Variants in PTPRG observed in about 807,000 individuals in gnomAD.
PTPRG encodes the protein receptor-type tyrosine-protein phosphatase gamma.
Under a neutral mutation model 165.3 loss-of-function variants are expected in PTPRG, and 102 were observed. That is an observed-to-expected ratio of 0.62 (90% CI 0.53 to 0.73). The LOEUF is 0.73. Ranked by LOEUF, PTPRG falls within the 30% of genes least tolerant of loss-of-function variation. The probability of loss-of-function intolerance (pLI) is 0.00; values close to 1 mark genes in which losing one functional copy is unlikely to be tolerated. For synonymous variants in PTPRG, 675 were observed against 669.5 expected, an observed-to-expected ratio of 1.01 and a Z score of -0.13; for missense variants, 1,866 against 1,861.4, an observed-to-expected ratio of 1.00 and a Z score of -0.05.
In PTPRG at chr3:62,219,812, G is replaced by A. The variant is rs1488366641; in HGVS notation, c.2288+829G>A. Among the ~76,000 whole-genome samples, 1 of 152,238 alleles carries A rather than the reference G, an allele frequency of 6.6e-6. No individual in the cohort carries two copies. The highest frequency in any genetic ancestry group is 1.5e-5 in the Non-Finnish European group (1 of 68,034). On this transcript the variant is annotated intron_variant, in intron 13 of 29. Coordinates refer to ENST00000474889, the MANE Select transcript of PTPRG (RefSeq NM_002841.4). The surrounding 1 kb of genome is among the most constrained non-coding windows in gnomAD (Gnocchi z 4.5). ...AGACACAAATGATTTCTGAAGAAGT[G>A]AGTAAAACAGATAAGAATCCTTACT...
intron 2 of PTPRG, among the ~76,000 whole-genome samples, chr3:61,930,671 G>A (rs2039336739): frequency 6.6e-6 from 1 of 152,148 alleles, no homozygotes; most frequent in South Asian, 2.1e-4. Context: ...GCGTCATTGT[G>A]GCATCCTCTA....
At chr3:62,125,228 A>G (rs1703244133) in intron 5 of PTPRG, among the ~76,000 whole-genome samples, 1 of 152,180 alleles carries the variant, frequency 6.6e-6, no homozygotes, top group Non-Finnish European at 1.5e-5. Context: ...CAAAATGATA[A>G]TCTTACCTAC....
rs146990830 is a variant in PTPRG, at chr3:61,775,482, G to A, written c.190+26500G>A. 1.2e-3 allele frequency among the ~76,000 whole-genome samples: 176 copies of A among 152,218 alleles called. 1 individual carries two copies. Among genetic ancestry groups the A allele is most frequent in the African/African-American group, 4.1e-3 (172 of 41,552 alleles). On this transcript the variant is annotated intron_variant, in intron 2 of 29. Coordinates refer to ENST00000474889, the MANE Select transcript of PTPRG (RefSeq NM_002841.4). The stretch of plus-strand genomic sequence containing the variant: ...TGAATATGGGCAGATGTTTTTAATC[G>A]TATTAAAATAATGTTACGGGAGAAA...
intron 1 of PTPRG, among the ~76,000 whole-genome samples, chr3:61,675,330 T>C (rs1703183836): frequency 6.6e-6 from 1 of 152,194 alleles, no homozygotes; most frequent in African/African-American, 2.4e-5. Context: ...GATTTAGCAG[T>C]AAATTTGGGT....
At chr3:62,077,024 G>C (rs1701411385) in intron 4 of PTPRG, among the ~76,000 whole-genome samples, 1 of 152,106 alleles carries the variant, frequency 6.6e-6, no homozygotes, top group South Asian at 2.1e-4. Flanking sequence ...CCAGTGTTTT[G>C]GGAGGCTGAG....
chr3:61,580,627 G>T (rs991926019), intron 1 of PTPRG, among the ~76,000 whole-genome samples: 3 of 152,064 alleles, frequency 2.0e-5, no homozygotes, highest in Admixed American at 6.5e-5. Flanking sequence ...GAGCCAATGC[G>T]CCCGGCCATC....
intron 5 of PTPRG, among the ~76,000 whole-genome samples, chr3:62,080,257 G>A (rs1418705857): frequency 2.8e-5 from 4 of 144,098 alleles, no homozygotes; most frequent in Non-Finnish European, 4.6e-5. Context: ...TGTATTTTTA[G>A]TAGAGGCAGG....
intron 26 of PTPRG, among the ~76,000 whole-genome samples, chr3:62,278,691 G>A (rs1559752122): frequency 6.6e-6 from 1 of 151,934 alleles, no homozygotes; most frequent in Non-Finnish European, 1.5e-5. Flanking sequence ...TCACTTTGTC[G>A]CATTTTGCTC....
intron 1 of PTPRG, among the ~76,000 whole-genome samples, chr3:61,616,892 G>GA (rs1216940926): frequency 1.3e-5 from 2 of 152,208 alleles, no homozygotes; most frequent in Non-Finnish European, 2.9e-5. Flanking sequence ...CCTAGGAACA[G>GA]AAAGGGTGTT....
chr3:61,566,696 G>A (rs560801703), intron 1 of PTPRG, among the ~76,000 whole-genome samples: 14 of 152,138 alleles, frequency 9.2e-5, no homozygotes, highest in Admixed American at 5.2e-4. Context: ...TTGTGGAGAC[G>A]GAGTGCCGCC....
intron 2 of PTPRG, 22 bp downstream of exon 2, chr3:61,749,004 G>A: frequency 6.3e-7 from 1 of 1,582,834 alleles, no homozygotes; most frequent in Non-Finnish European, 8.7e-7. Context: ...TGTTCTAATG[G>A]AGATCACACA....
intron 2 of PTPRG, among the ~76,000 whole-genome samples, chr3:61,763,580 A>C (rs10222486): frequency 6.7e-6 from 1 of 149,466 alleles, no homozygotes; most frequent in African/African-American, 2.5e-5. Context: ...CATGTTGGCC[A>C]GGCTGCTCTC....
intron 8 of PTPRG, among the ~76,000 whole-genome samples, chr3:62,181,146 C>T (rs1305616694): frequency 6.6e-6 from 1 of 152,186 alleles, no homozygotes; most frequent in Non-Finnish European, 1.5e-5. Flanking sequence ...TCAGTGAAGA[C>T]ACCATGGATT....
intron 1 of PTPRG, among the ~76,000 whole-genome samples, chr3:61,607,620 A>G (rs1052321435): frequency 2.0e-5 from 3 of 152,114 alleles, no homozygotes; most frequent in Admixed American, 6.5e-5. Flanking sequence ...GTGGCTACAA[A>G]CTTAATTATT....
chr3:61,761,631 C>T (rs12630890), intron 2 of PTPRG, among the ~76,000 whole-genome samples: 22,805 of 152,052 alleles, frequency 0.15, 2,304 homozygotes, highest in East Asian at 0.52. Flanking sequence ...ACTGGCATGG[C>T]GTGGTATCTC....
intron 4 of PTPRG, among the ~76,000 whole-genome samples, chr3:62,067,038 CAAAAAAAAAAAA>C (rs58056271): frequency 8.9e-6 from 1 of 111,998 alleles, no homozygotes; most frequent in Non-Finnish European, 1.8e-5. Context: ...GATTCTGACT[CAAAAAAAAAAAA>C]AAAAAAAAAA....
chr3:61,952,517 T>G (rs1443946437), intron 2 of PTPRG, among the ~76,000 whole-genome samples: 2 of 152,174 alleles, frequency 1.3e-5, no homozygotes, highest in African/African-American at 4.8e-5. Flanking sequence ...AAAATTACCA[T>G]CTATTCCAAG....
At chr3:62,104,555 G>C (rs1451512712) in intron 5 of PTPRG, among the ~76,000 whole-genome samples, 3 of 152,188 alleles carry the variant, frequency 2.0e-5, no homozygotes, top group Admixed American at 1.3e-4. Context: ...GAAGTACCTT[G>C]TATGCAACAG....
intron 1 of PTPRG, among the ~76,000 whole-genome samples, chr3:61,744,190 C>T (rs1373701505): frequency 6.6e-6 from 1 of 152,140 alleles, no homozygotes; most frequent in Non-Finnish European, 1.5e-5. Context: ...TACTTTTTGA[C>T]TGCTGTTCAA....
Sources: gnomAD v4.1 joint callset for allele counts (sites outside exome capture counted in the v4.1 genomes callset) on GRCh38, gnomAD v4.1.1 for gene constraint, Gnocchi (gnomAD v3.1) non-coding constraint, MANE v1.5 for transcripts, NCBI Gene and HGNC (gene_info 2026-07-23, HGNC 2026-07-21) for gene names.